The following CSMD3 variants were observed in gnomAD, a reference collection of about 807,000 sequenced individuals.
CSMD3 encodes CUB and Sushi multiple domains 3.
A neutral mutation model predicts 435.2 loss-of-function variants in CSMD3; 177 were observed. The ratio of observed to expected loss-of-function variants is 0.41; its 90% CI spans 0.36 to 0.46. The LOEUF (loss-of-function observed/expected upper bound fraction) is 0.46. CSMD3 is among the 20% of genes least tolerant of loss of function. The pLI is 0.34. For missense variants in CSMD3, 4,265 were observed against 4,504.6 expected (o/e 0.95, Z 1.52); for synonymous variants, 1,656 against 1,520.5 (o/e 1.09, Z -2.07).
chr8:113,399,106 T>TATATATATATATATACACACAC lies in CSMD3; in HGVS notation c.178+37570_178+37571insGTGTGTGTATATATATATATAT, dbSNP rs773585004. ...ATATATATATATATATATATATATA[T>TATATATATATATATACACACAC]ACACACACACACACACACTATATAT... is the stretch of plus-strand genomic sequence containing the variant. On this transcript the variant is annotated intron_variant, in intron 1 of 70. Transcript: ENST00000297405. Among the ~76,000 whole-genome samples, 85 of 95,032 alleles carry TATATATATATATATACACACAC rather than the reference T, an allele frequency of 8.9e-4. 1 individual carries two copies. The highest frequency in any genetic ancestry group is 1.2e-3 in the Non-Finnish European group (61 of 51,212). 62.3% of individuals were successfully genotyped at this position (95,032 alleles called of 152,430 possible).
rs749366961 is a variant in CSMD3, at chr8:112,310,858, A to G, written c.7885+120T>C. 1.6e-5 allele frequency: 13 copies of G among 801,030 alleles called. No individual in the cohort carries two copies. In the African/African-American group the frequency reaches 1.7e-4, roughly 10 times the overall value. The allele number at this position is 801,030 out of a possible 1,614,324, so 49.6% of individuals were successfully genotyped here. On this transcript the variant is annotated intron_variant, in intron 50 of 70. Transcript: ENST00000297405. ...TGTTATGCCTTGTTTTTATGAAAAG[A>G]GTTCACAATATGCTTCCGAATATTT...
At chr8:112,255,622 T>C (rs1233250834) in intron 61 of CSMD3, 195 bp from the exon 62 acceptor site, 4 of 573,888 alleles carry the variant, frequency 7.0e-6, no homozygotes, top group Non-Finnish European at 1.2e-5. Flanking sequence ...AGTATAATAT[T>C]TAAAAATTAG....
chr8:112,614,481 C>T (rs1439056023), intron 22 of CSMD3, among the ~76,000 whole-genome samples: 2 of 151,972 alleles, frequency 1.3e-5, no homozygotes, highest in Non-Finnish European at 2.9e-5. Flanking sequence ...TGCCCTCACC[C>T]CATCTTTTTC....
intron 1 of CSMD3, among the ~76,000 whole-genome samples, chr8:113,354,485 T>G (rs1021303707): frequency 4.6e-5 from 7 of 152,210 alleles, no homozygotes; most frequent in African/African-American, 1.7e-4. Flanking sequence ...GGAATCCAAT[T>G]ATAAAGAACT....
chr8:112,673,938 C>CTT (rs111706194), intron 16 of CSMD3, among the ~76,000 whole-genome samples: 2 of 148,226 alleles, frequency 1.3e-5, no homozygotes, highest in African/African-American at 4.9e-5. Flanking sequence ...AAACAGAAGA[C>CTT]TTTTTTTTTT....
intron 26 of CSMD3, among the ~76,000 whole-genome samples, chr8:112,551,911 T>C (rs1047915128): frequency 6.6e-6 from 1 of 152,134 alleles, no homozygotes; most frequent in African/African-American, 2.4e-5. Context: ...AGGATGATTC[T>C]AGCCAAAGCT....
intron 10 of CSMD3, among the ~76,000 whole-genome samples, chr8:112,860,311 CTT>C (rs2080790403): frequency 6.6e-6 from 1 of 151,692 alleles, no homozygotes; most frequent in Non-Finnish European, 1.5e-5. Context: ...ATGGTTATAT[CTT>C]GTGTTGATTT....
chr8:113,025,291 T>C (rs1481178551), intron 5 of CSMD3, among the ~76,000 whole-genome samples: 1 of 152,142 alleles, frequency 6.6e-6, no homozygotes, highest in Non-Finnish European at 1.5e-5. Flanking sequence ...ATATGCGTCT[T>C]AGGGTGTGGT....
At chr8:113,140,742 T>C (rs1435306198) in intron 4 of CSMD3, among the ~76,000 whole-genome samples, 5 of 150,862 alleles carry the variant, frequency 3.3e-5, no homozygotes, top group African/African-American at 1.2e-4. Flanking sequence ...TAAGAAAATA[T>C]GTTGGGCAAA....
At chr8:113,173,482 T>A (rs983674457) in intron 4 of CSMD3, among the ~76,000 whole-genome samples, 1 of 151,852 alleles carries the variant, frequency 6.6e-6, no homozygotes, top group African/African-American at 2.4e-5. Flanking sequence ...CTACCACACA[T>A]GGCCAATTTT....
At chr8:113,148,508 G>A (rs1386466513) in intron 4 of CSMD3, among the ~76,000 whole-genome samples, 2 of 151,620 alleles carry the variant, frequency 1.3e-5, no homozygotes, top group African/African-American at 4.8e-5. Flanking sequence ...ACTTCAGTAA[G>A]CTCCATAAAG....
intron 3 of CSMD3, among the ~76,000 whole-genome samples, chr8:113,232,663 A>C (rs1201374981): frequency 6.6e-6 from 1 of 151,822 alleles, no homozygotes. Context: ...ACTTTTATAG[A>C]AGGAGTAATG....
At chr8:112,299,484 T>G (rs1205466660) in intron 53 of CSMD3, among the ~76,000 whole-genome samples, 1 of 151,970 alleles carries the variant, frequency 6.6e-6, no homozygotes, top group Non-Finnish European at 1.5e-5. Context: ...AATAAATTAA[T>G]GGATTGATGG....
intron 32 of CSMD3, among the ~76,000 whole-genome samples, chr8:112,419,765 T>C (rs762037799): frequency 6.7e-4 from 102 of 152,318 alleles, no homozygotes; most frequent in Non-Finnish European, 1.3e-3. Flanking sequence ...TAATTTTCTT[T>C]AATTGTTCCA....
At chr8:112,620,202 C>T (rs534037710) in intron 22 of CSMD3, among the ~76,000 whole-genome samples, 79 of 152,158 alleles carry the variant, frequency 5.2e-4, no homozygotes, top group African/African-American at 1.8e-3. Context: ...AAAAAGAGTA[C>T]ACTTGGATCT....
chr8:113,356,266 C>A (rs192889639), intron 1 of CSMD3, among the ~76,000 whole-genome samples: 3 of 152,132 alleles, frequency 2.0e-5, no homozygotes, highest in Admixed American at 1.3e-4. Flanking sequence ...GCATATTCAG[C>A]AAATTCTTAA....
chr8:112,365,468 C>CTT (rs546920182), intron 38 of CSMD3, among the ~76,000 whole-genome samples: 169 of 112,628 alleles, frequency 1.5e-3, no homozygotes, highest in East Asian at 3.4e-3. Context: ...CATAGATTTC[C>CTT]TTTTTTTTTT....
intron 4 of CSMD3, among the ~76,000 whole-genome samples, chr8:113,141,465 ATATTTTTCAAATATGATAAACTAAC>A (rs1035584204): frequency 1.5e-4 from 22 of 151,078 alleles, no homozygotes; most frequent in African/African-American, 4.6e-4. Context: ...ACTCAGTAAC[ATATTTTTCAAATATGATAAACTAAC>A]TGGAGCACAT....
intron 66 of CSMD3, among the ~76,000 whole-genome samples, chr8:112,241,092 G>A (rs983274942): frequency 6.6e-6 from 1 of 151,960 alleles, no homozygotes; most frequent in Non-Finnish European, 1.5e-5. Context: ...TATGGGCTAC[G>A]CACTCTGCAC....
Sources: gnomAD v4.1 joint callset for allele counts (sites outside exome capture counted in the v4.1 genomes callset) on GRCh38, gnomAD v4.1.1 for gene constraint, MANE v1.5 for transcripts, NCBI Gene and HGNC (gene_info 2026-07-23, HGNC 2026-07-21) for gene names.